The following KCNS3 variants were observed in gnomAD, a reference collection of about 807,000 sequenced individuals.
KCNS3 encodes potassium voltage-gated channel modifier subfamily S member 3.
In KCNS3, 13 loss-of-function variants were observed where a neutral mutation model predicts 31.0. The ratio of observed to expected loss-of-function variants is 0.42; its 90% CI spans 0.27 to 0.67. The LOEUF is 0.67. KCNS3 is among the 30% of genes least tolerant of loss of function. The pLI, the probability that KCNS3 is intolerant of heterozygous loss-of-function variation, is 0.25. For synonymous variants in KCNS3, 238 were observed against 241.5 expected (o/e 0.99, Z 0.13); for missense variants, 545 against 622.4 (o/e 0.88, Z 1.32).
intron 1 of KCNS3, among the ~76,000 whole-genome samples, chr2:17,910,762 G>T (rs995568383): frequency 6.6e-6 from 1 of 152,006 alleles, no homozygotes. Flanking sequence ...CAGATTCTCT[G>T]TGTGGCCACA....
At chr2:17,890,221 A>G (rs1344408160) in intron 1 of KCNS3, among the ~76,000 whole-genome samples, 1 of 152,158 alleles carries the variant, frequency 6.6e-6, no homozygotes, top group Admixed American at 6.5e-5. Context: ...AAAGGTGTTC[A>G]TAGTAGCCCT....
At chr2:17,891,756 A>C (rs1329234347) in intron 1 of KCNS3, among the ~76,000 whole-genome samples, 1 of 152,194 alleles carries the variant, frequency 6.6e-6, no homozygotes, top group African/African-American at 2.4e-5. Context: ...ATATGGCCCT[A>C]GTCCCTTTTA....
intron 1 of KCNS3, among the ~76,000 whole-genome samples, chr2:17,895,011 A>AT (rs1047506919): frequency 1.6e-4 from 25 of 152,120 alleles, no homozygotes; most frequent in South Asian, 4.1e-4. Flanking sequence ...TTATTTTATA[A>AT]TTTTTTTATA....
At chr2:17,903,095 T>C (rs552809885) in intron 1 of KCNS3, among the ~76,000 whole-genome samples, 1 of 152,226 alleles carries the variant, frequency 6.6e-6, no homozygotes, top group Non-Finnish European at 1.5e-5. Flanking sequence ...ATTTTTCTTT[T>C]TTCCCAGTTA....
intron 1 of KCNS3, among the ~76,000 whole-genome samples, chr2:17,900,958 A>AT (rs1193241298): frequency 6.6e-6 from 1 of 152,208 alleles, no homozygotes; most frequent in Non-Finnish European, 1.5e-5. Flanking sequence ...TTTAATCCTC[A>AT]TAACTTCTCT....
At chr2:17,885,763 C>A (rs905928939) in intron 1 of KCNS3, among the ~76,000 whole-genome samples, 26 of 152,204 alleles carry the variant, frequency 1.7e-4, no homozygotes, top group Non-Finnish European at 3.4e-4. Context: ...CCAGTCTCTT[C>A]CAAAATACCC....
At chr2:17,883,764 C>A (rs1442690693) in intron 1 of KCNS3, among the ~76,000 whole-genome samples, 1 of 151,486 alleles carries the variant, frequency 6.6e-6, no homozygotes, top group African/African-American at 2.4e-5. Context: ...GGGTATATAC[C>A]CAAAGGATTA....
chr2:17,884,932 G>GTTTTTTTT (rs55738585), intron 1 of KCNS3, among the ~76,000 whole-genome samples: 5 of 127,996 alleles, frequency 3.9e-5, no homozygotes, highest in African/African-American at 8.6e-5. Context: ...CTTCCCTGTT[G>GTTTTTTTT]TTTTTTTTTT....
intron 1 of KCNS3, among the ~76,000 whole-genome samples, chr2:17,913,933 A>AC (rs1662528249): frequency 6.6e-6 from 1 of 152,074 alleles, no homozygotes; most frequent in African/African-American, 2.4e-5. Context: ...GAATTACCTG[A>AC]CCCCACAATG....
chr2:17,881,284 C>CT (rs994824685), intron 1 of KCNS3, among the ~76,000 whole-genome samples: 3 of 152,180 alleles, frequency 2.0e-5, no homozygotes, highest in African/African-American at 7.2e-5. Context: ...ATTGACTCTG[C>CT]TTATCAGGTG....
intron 1 of KCNS3, among the ~76,000 whole-genome samples, chr2:17,888,629 G>GTATATCTATATATATATATA (rs35102585): frequency 1.4e-4 from 13 of 92,362 alleles, no homozygotes; most frequent in African/African-American, 2.2e-4. Flanking sequence ...TAAAAAAAAT[G>GTATATCTATATATATATATA]TATATATATA....
At chr2:17,878,538 A>T (rs1674559877), upstream of KCNS3, 1 of 150,448 alleles carries the variant, frequency 6.6e-6, no homozygotes, top group Admixed American at 6.6e-5. Context: ...TGCGGGCCCG[A>T]AGCGAGGGGC....
chr2:17,879,745 C>A (rs1481756690), intron 1 of KCNS3, among the ~76,000 whole-genome samples: 1 of 152,202 alleles, frequency 6.6e-6, no homozygotes, highest in Non-Finnish European at 1.5e-5. Flanking sequence ...TGATGTCTCC[C>A]CCCGGTTTTG....
At position 17,911,475 on chromosome 2, in the gene KCNS3, T is replaced by C. The variant is rs533381175; in HGVS notation, c.-251-6205T>C. On this transcript the variant is annotated intron_variant, in intron 1 of 2. Coordinates refer to ENST00000304101, the MANE Select transcript of KCNS3 (RefSeq NM_002252.5). ...GCTGACTGGAGCTGCTTATGACCTT[T>C]TATTTTTCTATGTAGAAATAACTAT... 2.6e-5 allele frequency among the ~76,000 whole-genome samples: 4 copies of C among 152,348 alleles called. No homozygotes were observed. In the South Asian group the frequency reaches 8.3e-4, roughly 32 times the overall value.
At chr2:17,919,408 G>C (rs1564009) in intron 2 of KCNS3, 88,207 of 152,018 alleles carry the variant, frequency 0.58, 27,877 homozygotes, top group Non-Finnish European at 0.73. Flanking sequence ...TATCCTCAAG[G>C]TGGGTTTATA....
At chr2:17,921,022 G>A (rs2125250501) in intron 2 of KCNS3, among the ~76,000 whole-genome samples, 1 of 152,292 alleles carries the variant, frequency 6.6e-6, no homozygotes, top group South Asian at 2.1e-4. Context: ...TATGACTTAG[G>A]GCTGTTAGAG....
intron 1 of KCNS3, among the ~76,000 whole-genome samples, chr2:17,912,468 C>T (rs971255): frequency 0.89 from 135,414 of 152,228 alleles, 60,750 homozygotes; most frequent in East Asian, 0.99. Flanking sequence ...GGAGCAGTTG[C>T]ATGGACCACT....
At chr2:17,880,793 A>G (rs1199033287) in intron 1 of KCNS3, among the ~76,000 whole-genome samples, 1 of 152,190 alleles carries the variant, frequency 6.6e-6, no homozygotes, top group Non-Finnish European at 1.5e-5. Flanking sequence ...ATCTTCTTTT[A>G]AGAAGGAAGG....
At position 17,932,502 on chromosome 2, in the gene KCNS3, T is replaced by A; in HGVS notation, c.*18T>A. The A allele has an allele frequency of 6.3e-7, 1 of 1,591,788 alleles. No homozygotes were observed. Among genetic ancestry groups the A allele is most frequent in the Non-Finnish European group, 8.5e-7 (1 of 1,170,012 alleles). ...CAAAATGAGCGGGGGTGTTTGTGCC[T>A]GTTTCTCTTATCCTTTCCCGACATT... On this transcript the variant is annotated 3_prime_UTR_variant, in exon 3 of 3. Transcript: ENST00000304101.
Sources: allele counts gnomAD v4.1 joint callset (sites outside exome capture counted in the v4.1 genomes callset), GRCh38; gene constraint gnomAD v4.1.1; transcripts MANE v1.5; gene names NCBI Gene and HGNC (gene_info 2026-07-23, HGNC 2026-07-21).